The following RBFOX1 variants were observed in gnomAD, a reference collection of about 807,000 sequenced individuals.
The protein encoded by RBFOX1 is RNA binding protein fox-1 homolog 1.
Under a neutral mutation model 57.7 loss-of-function variants are expected in RBFOX1, and 8 were observed. The observed-to-expected ratio is 0.14, with a 90% CI of 0.08 to 0.25. The LOEUF (loss-of-function observed/expected upper bound fraction) is 0.25, where lower values mean the gene tolerates loss of function less well. Ranked by LOEUF, RBFOX1 falls within the 10% of genes least tolerant of loss-of-function variation. The pLI is 1.00. For missense variants in RBFOX1, 611 were observed against 548.5 expected (o/e 1.11, Z -1.14); for synonymous variants, 326 against 222.4 (o/e 1.47, Z -4.15).
chr16:6,468,933 T>G (rs530348997), intron 2 of RBFOX1, among the ~76,000 whole-genome samples: 1 of 152,194 alleles, frequency 6.6e-6, no homozygotes, highest in African/African-American at 2.4e-5. Flanking sequence ...CTTCATCCTC[T>G]CCCTCCTTCC....
Position 6,100,237 on chromosome 16 carries a change from A to G in RBFOX1, c.-127+80245A>G, listed in dbSNP as rs373210524. ...GAGTGCAGTGGCCCGATCTCGGCTC[A>G]CTGCAAGCTCCGCCTTCTGGGTTCA... On this transcript the variant is annotated intron_variant, in intron 1 of 15. Transcript: ENST00000550418. 1.8e-4 allele frequency among the ~76,000 whole-genome samples: 28 copies of G among 151,918 alleles called. No homozygotes were observed. The East Asian group carries it at 4.7e-3, about 25-fold the overall frequency.
At chr16:7,692,495 A>C (rs1333432479) in intron 14 of RBFOX1, among the ~76,000 whole-genome samples, 1 of 152,178 alleles carries the variant, frequency 6.6e-6, no homozygotes, top group Non-Finnish European at 1.5e-5. Flanking sequence ...AAGCATAATA[A>C]AAATCTAACC....
chr16:7,677,886 G>A lies in RBFOX1; in HGVS notation c.995+1048G>A, dbSNP rs759543824. On this transcript the variant is annotated intron_variant, in intron 14 of 15. Coordinates refer to ENST00000550418, the MANE Select transcript of RBFOX1 (RefSeq NM_018723.4). ...TCAGCAGCCTCTGGTCCTCCTACCT[G>A]GCCTGTTGTGATGTAGTTCCTACCT... Among the ~76,000 whole-genome samples the A allele has an allele frequency of 1.5e-3, 225 of 152,276 alleles. 1 individual carries two copies. Among genetic ancestry groups the A allele is most frequent in the Non-Finnish European group, 2.7e-3 (184 of 68,028 alleles).
At chr16:7,251,387 C>G (rs1438241683) in intron 4 of RBFOX1, among the ~76,000 whole-genome samples, 2 of 147,836 alleles carry the variant, frequency 1.4e-5, no homozygotes, top group Non-Finnish European at 1.5e-5. Context: ...ATTGTAGATA[C>G]AGAGCATACT....
chr16:7,312,055 G>A (rs946589864), intron 4 of RBFOX1, among the ~76,000 whole-genome samples: 3 of 152,218 alleles, frequency 2.0e-5, no homozygotes, highest in African/African-American at 7.2e-5. Context: ...TGCCTGGGGT[G>A]CAGTGAGCAG....
At chr16:6,346,090 A>G (rs2085326135) in intron 2 of RBFOX1, among the ~76,000 whole-genome samples, 1 of 152,178 alleles carries the variant, frequency 6.6e-6, no homozygotes, top group South Asian at 2.1e-4. Context: ...ATGACTTTGA[A>G]TAGAATGGGA....
At chr16:6,472,691 T>G (rs1401336759) in intron 2 of RBFOX1, among the ~76,000 whole-genome samples, 1 of 152,004 alleles carries the variant, frequency 6.6e-6, no homozygotes, top group Non-Finnish European at 1.5e-5. Context: ...TGGCGCAATC[T>G]TGGCTCACTG....
intron 3 of RBFOX1, among the ~76,000 whole-genome samples, chr16:6,809,126 A>T (rs2080882898): frequency 6.6e-6 from 1 of 152,202 alleles, no homozygotes; most frequent in African/African-American, 2.4e-5. Context: ...ACCTGTCACC[A>T]GTTCAGCTGT....
chr16:6,525,433 C>T (rs560946441), intron 2 of RBFOX1, among the ~76,000 whole-genome samples: 4 of 152,242 alleles, frequency 2.6e-5, no homozygotes, highest in African/African-American at 9.6e-5. Flanking sequence ...AGAAGTGATG[C>T]TATAAGGTAT....
At chr16:6,023,049 G>C (rs907452880) in intron 1 of RBFOX1, among the ~76,000 whole-genome samples, 1 of 152,092 alleles carries the variant, frequency 6.6e-6, no homozygotes, top group Non-Finnish European at 1.5e-5. Context: ...AGGGTCTCAG[G>C]GGCCAGGGAA....
At chr16:6,857,049 C>G (rs371508405) in intron 3 of RBFOX1, among the ~76,000 whole-genome samples, 2 of 152,094 alleles carry the variant, frequency 1.3e-5, no homozygotes, top group African/African-American at 4.8e-5. Context: ...GTGTTCAACC[C>G]CACATCATTG....
At chr16:7,303,945 G>T (rs1007210501) in intron 4 of RBFOX1, among the ~76,000 whole-genome samples, 1 of 150,964 alleles carries the variant, frequency 6.6e-6, no homozygotes, top group Non-Finnish European at 1.5e-5. Flanking sequence ...TCCCTCTGCC[G>T]GTTCTCGTGT....
At position 6,114,572 on chromosome 16, in the gene RBFOX1, G is replaced by C. The variant is rs76133218; in HGVS notation, c.-127+94580G>C. ...CAATGGCATAAAAGTTTTCTTGGAG[G>C]GGGCGTAACTTATGGACTACTAACA... On this transcript the variant is annotated intron_variant, in intron 1 of 15. Transcript: ENST00000550418. Among the ~76,000 whole-genome samples, 52 of 73,038 alleles carry C rather than the reference G, an allele frequency of 7.1e-4. No homozygotes were observed. The African/African-American group carries it at 9.0e-3, about 13-fold the overall frequency. The allele number at this position is 73,038 out of a possible 152,430, so 47.9% of individuals were successfully genotyped here.
intron 2 of RBFOX1, among the ~76,000 whole-genome samples, chr16:6,559,628 A>G (rs369494188): frequency 7.1e-5 from 2 of 28,230 alleles, no homozygotes; most frequent in Non-Finnish European, 3.7e-4. Flanking sequence ...ACATACATGT[A>G]TACACACACA....
intron 1 of RBFOX1, among the ~76,000 whole-genome samples, chr16:5,408,353 C>CT (rs557982318): frequency 6.6e-6 from 1 of 152,170 alleles, no homozygotes; most frequent in Non-Finnish European, 1.5e-5. Context: ...CAATACATTC[C>CT]TTTTTTTATT....
intron 3 of RBFOX1, among the ~76,000 whole-genome samples, chr16:6,767,364 T>G (rs139936677): frequency 6.6e-6 from 1 of 152,152 alleles, no homozygotes; most frequent in Non-Finnish European, 1.5e-5. Context: ...CCCCTGAGAA[T>G]GTGGCCAACC....
chr16:5,900,217 G>A (rs1343489983), intron 4 of RBFOX1, among the ~76,000 whole-genome samples: 1 of 152,180 alleles, frequency 6.6e-6, no homozygotes, highest in Non-Finnish European at 1.5e-5. Flanking sequence ...GCCAATGTGG[G>A]AGATCCTGTC....
At chr16:7,518,897 C>T (rs1228072755) in intron 5 of RBFOX1, among the ~76,000 whole-genome samples, 5 of 152,052 alleles carry the variant, frequency 3.3e-5, no homozygotes, top group African/African-American at 1.2e-4. Flanking sequence ...ATGGTGCATG[C>T]CTGTAGTCCC....
chr16:6,036,514 A>T (rs2095367668), intron 1 of RBFOX1, among the ~76,000 whole-genome samples: 1 of 152,134 alleles, frequency 6.6e-6, no homozygotes, highest in South Asian at 2.1e-4. Context: ...CCTATCACTT[A>T]GATAGTTTTT....
Sources: allele counts gnomAD v4.1 joint callset (sites outside exome capture counted in the v4.1 genomes callset), GRCh38; gene constraint gnomAD v4.1.1; transcripts MANE v1.5; gene names NCBI Gene and HGNC (gene_info 2026-07-23, HGNC 2026-07-21).